The following MOB3B variants were observed in gnomAD, a reference collection of about 807,000 sequenced individuals.
The protein encoded by MOB3B is MOB kinase activator 3B.
Under a neutral mutation model 18.7 loss-of-function variants are expected in MOB3B, and 7 were observed. The ratio of observed to expected loss-of-function variants is 0.37; its 90% CI spans 0.21 to 0.70. The LOEUF (loss-of-function observed/expected upper bound fraction) is 0.70. Among genes scored for constraint, MOB3B ranks in the 30% least tolerant of loss-of-function variants. The pLI is 0.52. For missense variants in MOB3B, 253 were observed against 281.3 expected, an observed-to-expected ratio of 0.90 and a Z score of 0.72; for synonymous variants, 111 against 99.9, an observed-to-expected ratio of 1.11 and a Z score of -0.66.
In MOB3B at chr9:27,369,936, C is replaced by CT. The variant is rs59186320; in HGVS notation, c.419-10701dup. ...ACTACCACATCAACTTTTAATTGTC[C>CT]TTTTTTTTTTTTTTTTTTTGTCTCC... On this transcript the variant is annotated intron_variant, in intron 2 of 3. Transcript: ENST00000262244. 5.2e-3 allele frequency among the ~76,000 whole-genome samples: 658 copies of CT among 125,920 alleles called. 8 individuals carry two copies. Among genetic ancestry groups the CT allele is most frequent in the African/African-American group, 0.017 (567 of 33,044 alleles). 82.6% of individuals were successfully genotyped at this position (125,920 alleles called of 152,430 possible).
intron 3 of MOB3B, 27 bp from the exon 4 acceptor site, chr9:27,330,643 T>G: frequency 8.7e-6 from 14 of 1,613,912 alleles, no homozygotes; most frequent in Non-Finnish European, 1.2e-5. Context: ...AAAGGATGGT[T>G]AGGAGAAACT....
intron 1 of MOB3B, among the ~76,000 whole-genome samples, chr9:27,471,131 A>G (rs1454282249): frequency 6.6e-6 from 1 of 152,144 alleles, no homozygotes; most frequent in East Asian, 1.9e-4. Flanking sequence ...AGACTCTAGC[A>G]TCCCACCCCT....
intron 2 of MOB3B, among the ~76,000 whole-genome samples, chr9:27,386,319 G>A (rs1821649880): frequency 6.6e-6 from 1 of 152,178 alleles, no homozygotes; most frequent in South Asian, 2.1e-4. Flanking sequence ...GTCCATTTCA[G>A]TATTATCATT....
intron 1 of MOB3B, among the ~76,000 whole-genome samples, chr9:27,517,863 G>C (rs2131505242): frequency 6.6e-6 from 1 of 152,066 alleles, no homozygotes; most frequent in East Asian, 1.9e-4. Context: ...CTTAATTTCA[G>C]ACATGGGAAA....
chr9:27,522,798 T>G (rs1169246227), intron 1 of MOB3B, among the ~76,000 whole-genome samples: 1 of 152,132 alleles, frequency 6.6e-6, no homozygotes, highest in African/African-American at 2.4e-5. Flanking sequence ...AGGAAGGTTG[T>G]GTCAATTTAT....
In MOB3B at chr9:27,455,345, T is replaced by A. The variant is rs376544672; in HGVS notation, c.206A>T (p.Asn69Ile). The change falls in exon 2 of 4, where the codon AAT becomes ATT. Residue 69 changes from asparagine (N) to isoleucine (I), a missense_variant. Transcript: ENST00000262244. ...GGTGCCATAGATGAGGTTGATCCGA[T>A]TGAAGAAGTCCACCACATGTACTGC... is the stretch of plus-strand genomic sequence containing the variant. ...WVAVHVVDFFNRINLIYGTIC... is the reference protein window; with the variant it reads ...WVAVHVVDFFIRINLIYGTIC... 2.5e-6 allele frequency: 4 copies of A among 1,614,128 alleles called. No individual in the cohort carries two copies. Among genetic ancestry groups the A allele is most frequent in the Non-Finnish European group, 3.4e-6 (4 of 1,179,994 alleles).
chr9:27,425,707 G>T (rs1221523371), intron 2 of MOB3B, among the ~76,000 whole-genome samples: 1 of 151,456 alleles, frequency 6.6e-6, no homozygotes, highest in Non-Finnish European at 1.5e-5. Flanking sequence ...CCAATGCAGT[G>T]GGCTTATGTC....
intron 2 of MOB3B, among the ~76,000 whole-genome samples, chr9:27,362,064 G>A (rs1472632390): frequency 6.6e-6 from 1 of 152,126 alleles, no homozygotes; most frequent in Middle Eastern, 3.2e-3. Flanking sequence ...CTTTTAGACT[G>A]TCTCCAAGCG....
intron 2 of MOB3B, among the ~76,000 whole-genome samples, chr9:27,434,566 C>T (rs1822466962): frequency 1.3e-5 from 2 of 152,082 alleles, no homozygotes; most frequent in Admixed American, 1.3e-4. Flanking sequence ...CTGCTTGGTC[C>T]ATATACCTAC....
intron 2 of MOB3B, chr9:27,397,133 G>A (rs1334323783): frequency 1.3e-5 from 2 of 152,196 alleles, no homozygotes; most frequent in Non-Finnish European, 2.9e-5. Flanking sequence ...TTCAACAGAA[G>A]TTGGGGAAGA....
intron 1 of MOB3B, among the ~76,000 whole-genome samples, chr9:27,477,738 A>G (rs765935661): frequency 6.6e-6 from 1 of 152,256 alleles, no homozygotes; most frequent in Non-Finnish European, 1.5e-5. Context: ...AATGCAGGCC[A>G]GAAATGAAGC....
intron 1 of MOB3B, among the ~76,000 whole-genome samples, chr9:27,463,284 T>C (rs960294609): frequency 2.4e-4 from 37 of 152,186 alleles, no homozygotes; most frequent in African/African-American, 8.9e-4. Flanking sequence ...ATAGGTATTA[T>C]TATTATTATA....
intron 1 of MOB3B, among the ~76,000 whole-genome samples, chr9:27,472,220 A>G (rs1314554579): frequency 7.5e-6 from 1 of 134,062 alleles, no homozygotes; most frequent in African/African-American, 2.8e-5. Context: ...TTTTTCCCAC[A>G]CTATTTTTTT....
chr9:27,344,818 C>A (rs184601992), intron 3 of MOB3B, among the ~76,000 whole-genome samples: 1 of 152,256 alleles, frequency 6.6e-6, no homozygotes, highest in South Asian at 2.1e-4. Flanking sequence ...GCACTCTGGT[C>A]CTTTCCACCA....
intron 2 of MOB3B, among the ~76,000 whole-genome samples, chr9:27,383,830 C>T (rs559921472): frequency 1.3e-5 from 2 of 152,270 alleles, no homozygotes; most frequent in East Asian, 1.9e-4. Context: ...GTTGCAATTA[C>T]CTTACCTATG....
intron 2 of MOB3B, among the ~76,000 whole-genome samples, chr9:27,369,069 G>A (rs896949383): frequency 2.6e-5 from 4 of 152,184 alleles, no homozygotes; most frequent in African/African-American, 9.7e-5. Flanking sequence ...TGACCAGTTT[G>A]CTGAAAATCA....
chr9:27,489,025 G>A (rs1819774659), intron 1 of MOB3B, among the ~76,000 whole-genome samples: 1 of 152,180 alleles, frequency 6.6e-6, no homozygotes, highest in African/African-American at 2.4e-5. Flanking sequence ...ATCTAGCGGG[G>A]ATTTTAGATA....
intron 3 of MOB3B, 61 bp downstream of exon 3, chr9:27,358,973 T>C: frequency 1.3e-6 from 2 of 1,533,552 alleles, no homozygotes; most frequent in Non-Finnish European, 1.8e-6. Context: ...GACAATGCGC[T>C]CTGACAAATG....
At chr9:27,462,869 G>A (rs1819315453) in intron 1 of MOB3B, among the ~76,000 whole-genome samples, 1 of 152,066 alleles carries the variant, frequency 6.6e-6, no homozygotes, top group South Asian at 2.1e-4. Flanking sequence ...ACACAAAATG[G>A]GCAAGAAGAC....
Sources: allele counts gnomAD v4.1 joint callset (sites outside exome capture counted in the v4.1 genomes callset), GRCh38; gene constraint gnomAD v4.1.1; transcripts MANE v1.5; gene names NCBI Gene and HGNC (gene_info 2026-07-23, HGNC 2026-07-21).